Variants in SULT1C2 observed in about 807,000 individuals in gnomAD.
The protein encoded by SULT1C2 is sulfotransferase 1C2.
Under a neutral mutation model 36.0 loss-of-function variants are expected in SULT1C2, and 27 were observed. The observed-to-expected ratio is 0.75, with a 90% CI of 0.55 to 1.03. The LOEUF is 1.03. SULT1C2 is among the 50% of genes least tolerant of loss of function. SULT1C2 has a pLI of 0.00. For synonymous variants in SULT1C2, 121 were observed against 116.0 expected (o/e 1.04, Z -0.27); for missense variants, 395 against 359.2 (o/e 1.10, Z -0.80).
At chr2:108,294,501 CAT>C in intron 3 of SULT1C2, 147 bp downstream of exon 3, 3 of 836,626 alleles carry the variant, frequency 3.6e-6, no homozygotes, top group African/African-American at 1.7e-5. Context: ...TTTTCACTGT[CAT>C]ATGTTTCTTC....
At chr2:108,305,071 T>G (rs1425445097) in intron 5 of SULT1C2, 101 bp from the exon 6 acceptor site, 2 of 1,298,994 alleles carry the variant, frequency 1.5e-6, no homozygotes, top group African/African-American at 2.9e-5. Context: ...AATACAGAAT[T>G]TGGGTTTTCT....
Position 108,305,278 on chromosome 2 carries a change from C to G in SULT1C2, c.597+12C>G. Reference sequence around the variant, plus strand: ...AGGACATAAAGAGGGTGAGTGAAGGCTCTGCAGAAGAACCATTTTAAAGTG... The same window carrying G: ...AGGACATAAAGAGGGTGAGTGAAGGGTCTGCAGAAGAACCATTTTAAAGTG... On this transcript the variant is annotated intron_variant, in intron 6 of 7. Transcript: ENST00000251481. 6.2e-7 allele frequency: 1 copy of G among 1,614,012 alleles called. No homozygotes were observed. The highest frequency in any genetic ancestry group is 8.5e-7 in the Non-Finnish European group (1 of 1,179,940).
chr2:108,301,931 C>A (rs1676887995), intron 4 of SULT1C2: 1 of 152,124 alleles, frequency 6.6e-6, no homozygotes, highest in Non-Finnish European at 1.5e-5. Flanking sequence ...TTGGAGGACT[C>A]AAATGACTTC....
In SULT1C2 at chr2:108,305,538, C is replaced by G. The variant is rs112864909; in HGVS notation, c.721C>G (p.Arg241Gly). The G allele has an allele frequency of 6.2e-7, 1 of 1,614,168 alleles. No homozygotes were observed. The highest frequency in any genetic ancestry group is 8.5e-7 in the Non-Finnish European group (1 of 1,180,032). ...EKMKENPMTN[R>G]STVSKSILDQ... ...AATGAAAGAAAATCCCATGACAAAT[C>G]GTTCTACAGTTTCCAAATCTATCTT... is the stretch of plus-strand genomic sequence containing the variant. The change falls in exon 7 of 8, where the codon CGT (arginine) becomes GGT (glycine). Residue 241 changes from arginine to glycine, a missense_variant. By Grantham distance (125) the Arg-to-Gly change is moderately radical. Coordinates refer to ENST00000251481, the MANE Select transcript of SULT1C2 (RefSeq NM_001056.4).
chr2:108,304,784 G>A, intron 5 of SULT1C2, 84 bp downstream of exon 5: 1 of 1,521,294 alleles, frequency 6.6e-7, no homozygotes, highest in Non-Finnish European at 8.8e-7. Context: ...TTATCCCCTA[G>A]AATGCCTGTA....
chr2:108,300,947 A>C lies in SULT1C2; in HGVS notation c.375+12A>C. 6.2e-7 allele frequency: 1 copy of C among 1,613,822 alleles called. No individual in the cohort carries two copies. Among genetic ancestry groups the C allele is most frequent in the Non-Finnish European group, 8.5e-7 (1 of 1,179,838 alleles). On this transcript the variant is annotated intron_variant, in intron 4 of 7. Transcript: ENST00000251481. Reference sequence around the variant, plus strand: ...AAAACAACTGCAAGGTAAGATACCAACAGCTCCCTGTGACAGAAGGGAAAG... The same window carrying C: ...AAAACAACTGCAAGGTAAGATACCACCAGCTCCCTGTGACAGAAGGGAAAG...
At chr2:108,299,820 C>A (rs1676827953) in intron 3 of SULT1C2, 1 of 152,156 alleles carries the variant, frequency 6.6e-6, no homozygotes, top group Non-Finnish European at 1.5e-5. Context: ...CAAAAGGTGG[C>A]AACAACCCAA....
chr2:108,303,635 A>G (rs1370458673), intron 4 of SULT1C2: 1 of 152,266 alleles, frequency 6.6e-6, no homozygotes, highest in Admixed American at 6.5e-5. Context: ...AGGATGTCAA[A>G]GCATCAGATA....
intron 3 of SULT1C2, among the ~76,000 whole-genome samples, chr2:108,296,532 A>AC (rs1388389391): frequency 1.2e-4 from 18 of 151,870 alleles, no homozygotes; most frequent in African/African-American, 4.3e-4. Flanking sequence ...GCTCACTGCA[A>AC]CCTCTGCCTC....
chr2:108,296,984 T>C (rs934588700), intron 3 of SULT1C2, among the ~76,000 whole-genome samples: 7 of 152,154 alleles, frequency 4.6e-5, no homozygotes, highest in African/African-American at 1.7e-4. Context: ...TTGTAGCCGT[T>C]CTGTGACAAA....
chr2:108,304,631 A>G lies in SULT1C2; in HGVS notation c.433A>G (p.Arg145Gly). ...DCMVSYYHFQ[R>G]MNHMLPDPGT... ...TATGGTTTCCTACTACCATTTCCAA[A>G]GGATGAACCACATGCTTCCTGACCC... The change falls in exon 5 of 8, where the codon AGG (arginine) becomes GGG (glycine). Residue 145 changes from arginine (R) to glycine (G), a missense_variant. Physicochemically the swap from Arg to Gly is moderately radical, Grantham distance 125. Coordinates refer to ENST00000251481, the MANE Select transcript of SULT1C2 (RefSeq NM_001056.4). The G allele has an allele frequency of 6.2e-7, 1 of 1,613,692 alleles. No individual in the cohort carries two copies.
At chr2:108,306,528 C>T (rs1488262084) in intron 7 of SULT1C2, among the ~76,000 whole-genome samples, 2 of 152,176 alleles carry the variant, frequency 1.3e-5, no homozygotes, top group Non-Finnish European at 2.9e-5. Context: ...CACTTGAGCC[C>T]AGGATTTTGA....
intron 1 of SULT1C2, among the ~76,000 whole-genome samples, chr2:108,292,245 T>C (rs983210785): frequency 3.9e-5 from 6 of 152,234 alleles, no homozygotes; most frequent in African/African-American, 1.4e-4. Flanking sequence ...CGATAAATGT[T>C]AGCTTTTAAC....
intron 3 of SULT1C2, among the ~76,000 whole-genome samples, chr2:108,296,687 A>G (rs1676738147): frequency 6.6e-6 from 1 of 152,074 alleles, no homozygotes; most frequent in Admixed American, 6.5e-5. Context: ...TCCTGACCTC[A>G]TGATATACCC....
chr2:108,304,656 C>G lies in SULT1C2; in HGVS notation c.458C>G (p.Pro153Arg), dbSNP rs781148158. 1.2e-6 allele frequency: 2 copies of G among 1,613,934 alleles called. No individual in the cohort carries two copies. The highest frequency in any genetic ancestry group is 1.7e-6 in the Non-Finnish European group (2 of 1,179,926). The change falls in exon 5 of 8, where the codon CCT becomes CGT. Residue 153 changes from proline (P) to arginine (R), a missense_variant. Coordinates refer to ENST00000251481, the MANE Select transcript of SULT1C2 (RefSeq NM_001056.4). ...FQRMNHMLPD[P>R]GTWEEYFETF... The stretch of plus-strand genomic sequence containing the variant: ...AGGATGAACCACATGCTTCCTGACC[C>G]TGGTACCTGGGAAGAGTATTTTGAA...
rs1357864708 is a variant in SULT1C2, at chr2:108,305,260, A to G, written c.591A>G (p.Ile197Met). Residue 197 changes from isoleucine (I) to methionine (M), a missense_variant, in exon 6 of 8, where the codon ATA becomes ATG. By Grantham distance (10) the Ile-to-Met change is conservative. Transcript: ENST00000251481. ...HQILFLFYED[I>M]KRDPKHEIRK... ...TTCTCTTCCTCTTCTATGAGGACATAAAGAGGGTGAGTGAAGGCTCTGCAG... is the reference window on the plus strand; with the variant it reads ...TTCTCTTCCTCTTCTATGAGGACATGAAGAGGGTGAGTGAAGGCTCTGCAG... 1.9e-6 allele frequency: 3 copies of G among 1,614,008 alleles called. No individual in the cohort carries two copies. The highest frequency in any genetic ancestry group is 2.7e-5 in the African/African-American group (2 of 74,916).
Position 108,304,672 on chromosome 2 carries a change from G to A in SULT1C2, c.474G>A (p.Glu158=), listed in dbSNP as rs2104423198. The change falls in exon 5 of 8, where the codon GAG becomes GAA. Residue 158 remains glutamate (E), a synonymous_variant. Transcript: ENST00000251481. ...HMLPDPGTWE[E]YFETFINGKV... Reference sequence around the variant, plus strand: ...TTCCTGACCCTGGTACCTGGGAAGAGTATTTTGAAACCTTCATCAATGGAA... The same window carrying A: ...TTCCTGACCCTGGTACCTGGGAAGAATATTTTGAAACCTTCATCAATGGAA... 2 of 1,613,644 alleles carry A rather than the reference G, an allele frequency of 1.2e-6. No individual in the cohort carries two copies. Among genetic ancestry groups the A allele is most frequent in the Non-Finnish European group, 1.7e-6 (2 of 1,179,856 alleles).
At chr2:108,304,739 A>T (rs756311710) in intron 5 of SULT1C2, 39 bp downstream of exon 5, 6 of 1,584,090 alleles carry the variant, frequency 3.8e-6, no homozygotes, top group Non-Finnish European at 5.1e-6. Context: ...TTCTCACTCC[A>T]GCTAGGCTGG....
chr2:108,298,590 C>T lies in SULT1C2; in HGVS notation c.278-2248C>T, dbSNP rs561543397. 11 of 298,196 alleles carry T rather than the reference C, an allele frequency of 3.7e-5. No homozygotes were observed. The Admixed American group carries it at 4.1e-4, about 11-fold the overall frequency. The allele number at this position is 298,196 out of a possible 1,614,324, so 18.5% of individuals were successfully genotyped here. On this transcript the variant is annotated intron_variant, in intron 3 of 7. Coordinates refer to ENST00000251481, the MANE Select transcript of SULT1C2 (RefSeq NM_001056.4). Reference sequence around the variant, plus strand: ...AGAGACAGGATTTCACCATGTTGCCCAGGCTGGTCTCAAACTCCTGAGCTC... The same window carrying T: ...AGAGACAGGATTTCACCATGTTGCCTAGGCTGGTCTCAAACTCCTGAGCTC...
Sources: gnomAD v4.1 joint callset for allele counts (sites outside exome capture counted in the v4.1 genomes callset) on GRCh38, gnomAD v4.1.1 for gene constraint, MANE v1.5 for transcripts, NCBI Gene and HGNC (gene_info 2026-07-23, HGNC 2026-07-21) for gene names.